Variants in RASA3 observed in about 807,000 individuals in gnomAD.
The protein encoded by RASA3 is RAS p21 protein activator 3, also known as ras GTPase-activating protein 3.
Under a neutral mutation model 110.0 loss-of-function variants are expected in RASA3, and 73 were observed. The observed-to-expected ratio is 0.66, with a 90% CI of 0.55 to 0.81. RASA3 has a LOEUF of 0.81. Among genes scored for constraint, RASA3 ranks in the 30% least tolerant of loss-of-function variants. The pLI is 0.00. For synonymous variants in RASA3, 500 were observed against 451.4 expected, an observed-to-expected ratio of 1.11 and a Z score of -1.37; for missense variants, 976 against 1,113.2, an observed-to-expected ratio of 0.88 and a Z score of 1.75.
At position 113,997,246 on chromosome 13, in the gene RASA3, T is replaced by C. The variant is rs2053277377; in HGVS notation, c.1933-507A>G. 3.9e-5 allele frequency among the ~76,000 whole-genome samples: 6 copies of C among 152,172 alleles called. No individual in the cohort carries two copies. In the South Asian group the frequency reaches 1.2e-3, roughly 32 times the overall value. ...CTGGGGTTAGGGGGCTGCTTCCTCT[T>C]GAAGCGTCTCGGGGCAGCAACAACC... On this transcript the variant is annotated intron_variant, in intron 20 of 23. Coordinates refer to ENST00000334062, the MANE Select transcript of RASA3 (RefSeq NM_007368.4).
At chr13:114,078,790 C>T (rs1382577870) in intron 1 of RASA3, among the ~76,000 whole-genome samples, 1 of 152,244 alleles carries the variant, frequency 6.6e-6, no homozygotes, top group African/African-American at 2.4e-5. Flanking sequence ...TGAGCACAGG[C>T]CCAGCCCTGA....
intron 3 of RASA3, among the ~76,000 whole-genome samples, chr13:114,047,484 CGGT>C (rs2079071965): frequency 2.6e-5 from 4 of 152,240 alleles, no homozygotes; most frequent in African/African-American, 9.6e-5. Flanking sequence ...CTTGGAGACA[CGGT>C]TGGGTAGTTT....
intron 1 of RASA3, among the ~76,000 whole-genome samples, chr13:114,100,928 T>C (rs1382506033): frequency 2.0e-5 from 3 of 152,152 alleles, no homozygotes; most frequent in African/African-American, 7.2e-5. Context: ...ACTCAGAAAT[T>C]GCTTATTTTT....
chr13:114,124,212 T>C (rs1027836480), intron 1 of RASA3, among the ~76,000 whole-genome samples: 1 of 152,218 alleles, frequency 6.6e-6, no homozygotes, highest in African/African-American at 2.4e-5. Flanking sequence ...TTGTTCCAAA[T>C]GTGGGATTCA....
chr13:113,999,348 C>A (rs1424422278), intron 20 of RASA3, among the ~76,000 whole-genome samples: 1 of 152,158 alleles, frequency 6.6e-6, no homozygotes, highest in Admixed American at 6.5e-5. Flanking sequence ...CCCCACCTTC[C>A]GGCAGGTTCC....
Position 114,077,547 on chromosome 13 carries a change from G to A in RASA3, c.56-3710C>T, listed in dbSNP as rs145203360. 1.2e-3 allele frequency among the ~76,000 whole-genome samples: 100 copies of A among 84,310 alleles called. 2 individuals carry two copies. Among genetic ancestry groups the A allele is most frequent in the Middle Eastern group, 0.011 (1 of 94 alleles). The allele number at this position is 84,310 out of a possible 152,430, so 55.3% of individuals were successfully genotyped here. On this transcript the variant is annotated intron_variant, in intron 1 of 23. Transcript: ENST00000334062. ...CGGATTCATCCCTCCCTCCCTGCCC[G>A]ACGATGCCCAGTCCCACCGCACTGG...
At chr13:114,075,129 GC>G (rs1458961689) in intron 1 of RASA3, among the ~76,000 whole-genome samples, 2 of 152,202 alleles carry the variant, frequency 1.3e-5, no homozygotes, top group East Asian at 3.9e-4. Flanking sequence ...CAAGGCTCCT[GC>G]TGGCGCCACT....
At chr13:114,029,922 G>T (rs1284150318) in intron 4 of RASA3, 35 bp from the exon 5 acceptor site, 1 of 1,534,048 alleles carries the variant, frequency 6.5e-7, no homozygotes, top group South Asian at 1.2e-5. Flanking sequence ...CAGAGGCTGT[G>T]GCGCTGCTCC....
At chr13:114,036,625 C>A (rs2054282936) in intron 4 of RASA3, among the ~76,000 whole-genome samples, 1 of 152,172 alleles carries the variant, frequency 6.6e-6, no homozygotes, top group Non-Finnish European at 1.5e-5. Flanking sequence ...GCAACCTCCG[C>A]CTCCCGGGTT....
At chr13:114,054,807 A>G (rs1469323733) in intron 2 of RASA3, among the ~76,000 whole-genome samples, 4 of 152,266 alleles carry the variant, frequency 2.6e-5, no homozygotes, top group Non-Finnish European at 5.9e-5. Context: ...ATGAAGGCCC[A>G]TTAGAAAGTC....
At chr13:114,104,052 T>C (rs7337368) in intron 1 of RASA3, among the ~76,000 whole-genome samples, 6,483 of 12,544 alleles carry the variant, frequency 0.52, 680 homozygotes, top group East Asian at 0.63. Context: ...GATGCGTCCA[T>C]GCTGCCACGG....
At chr13:114,074,483 T>A (rs990323943) in intron 1 of RASA3, among the ~76,000 whole-genome samples, 1 of 152,244 alleles carries the variant, frequency 6.6e-6, no homozygotes, top group Non-Finnish European at 1.5e-5. Context: ...ATAACTTCCA[T>A]GATGCAAAGG....
rs2053645433 is a variant in RASA3, at chr13:114,011,985, C to T, written c.1513-737G>A. Among the ~76,000 whole-genome samples, 1 of 152,132 alleles carries T rather than the reference C, an allele frequency of 6.6e-6. No individual in the cohort carries two copies. The highest frequency in any genetic ancestry group is 2.1e-4 in the South Asian group (1 of 4,820). ...TCCTCTCGCCCTGGCCATCTCCTTC[C>T]AGCTCTGCCACCCGCACGTGCAACA... On this transcript the variant is annotated intron_variant, in intron 15 of 23. Coordinates refer to ENST00000334062, the MANE Select transcript of RASA3 (RefSeq NM_007368.4). This position sits in a 1 kb window ranked among gnomAD's most constrained non-coding sequence, Gnocchi z 4.8.
intron 2 of RASA3, among the ~76,000 whole-genome samples, chr13:114,063,289 A>G (rs1037694149): frequency 5.3e-5 from 8 of 151,494 alleles, no homozygotes; most frequent in Non-Finnish European, 1.0e-4. Context: ...AATATAAAAT[A>G]GAATAAAATA....
At chr13:114,076,283 G>GA (rs34403195) in intron 1 of RASA3, among the ~76,000 whole-genome samples, 147 of 152,290 alleles carry the variant, frequency 9.7e-4, no homozygotes, top group Middle Eastern at 3.4e-3. Context: ...CGGTTGGTGG[G>GA]AAAAAATGAG....
intron 4 of RASA3, among the ~76,000 whole-genome samples, chr13:114,037,385 G>A (rs889503762): frequency 6.6e-6 from 1 of 152,152 alleles, no homozygotes; most frequent in Non-Finnish European, 1.5e-5. Context: ...AGGATGTCAC[G>A]CAGAGCGACA....
At chr13:114,029,954 G>A (rs886568012) in intron 4 of RASA3, 67 bp from the exon 5 acceptor site, 56 of 1,442,506 alleles carry the variant, frequency 3.9e-5, no homozygotes, top group African/African-American at 2.7e-4. Flanking sequence ...AGGGCCGCGC[G>A]CCCAGGGAAA....
intron 3 of RASA3, 39 bp from the exon 4 acceptor site, chr13:114,041,133 G>A: frequency 2.5e-6 from 4 of 1,570,822 alleles, no homozygotes; most frequent in Non-Finnish European, 3.5e-6. Context: ...ACGGGCACAG[G>A]CCCCAGAGCC....
chr13:114,045,941 G>GT (rs2079045634), intron 3 of RASA3, among the ~76,000 whole-genome samples: 1 of 71,124 alleles, frequency 1.4e-5, no homozygotes, highest in South Asian at 4.5e-4. Flanking sequence ...AGACCCAAGC[G>GT]TGTAAAGATA....
Sources: gnomAD v4.1 joint callset for allele counts (sites outside exome capture counted in the v4.1 genomes callset) on GRCh38, gnomAD v4.1.1 for gene constraint, Gnocchi (gnomAD v3.1) non-coding constraint, MANE v1.5 for transcripts, NCBI Gene and HGNC (gene_info 2026-07-23, HGNC 2026-07-21) for gene names.